The following TARS3 variants were observed in gnomAD, a reference collection of about 807,000 sequenced individuals.
The protein encoded by TARS3 is threonyl-tRNA synthetase 3.
In TARS3, 94 loss-of-function variants were observed where a neutral mutation model predicts 103.5. The ratio of observed to expected loss-of-function variants is 0.91; its 90% CI spans 0.77 to 1.08. The LOEUF is 1.08. Among genes scored for constraint, TARS3 ranks in the 50% least tolerant of loss-of-function variants. The pLI, the probability that TARS3 is intolerant of heterozygous loss-of-function variation, is 0.00. For missense variants in TARS3, 952 were observed against 995.2 expected (o/e 0.96, Z 0.58); for synonymous variants, 416 against 355.4 (o/e 1.17, Z -1.92).
intron 12 of TARS3, 97 bp downstream of exon 12, chr15:101,683,978 A>G (rs771910238): frequency 7.6e-5 from 96 of 1,261,482 alleles, no homozygotes; most frequent in Non-Finnish European, 9.3e-5. Context: ...ACTAGACCAA[A>G]CGTCTATGTT....
Position 101,702,327 on chromosome 15 carries a change from C to A in TARS3, c.1133G>T (p.Gly378Val), listed in dbSNP as rs1475218854. 1 of 1,613,558 alleles carries A rather than the reference C, an allele frequency of 6.2e-7. No homozygotes were observed. Among genetic ancestry groups the A allele is most frequent in the Non-Finnish European group, 8.5e-7 (1 of 1,179,636 alleles). ...PEMETLQRIY[G>V]ISFPDNKMMR... Reference sequence around the variant, plus strand: ...CATCTTGTTATCAGGAAAGGATATTCCATAGATCCTCTGCAATGTTTCCAT... The same window carrying A: ...CATCTTGTTATCAGGAAAGGATATTACATAGATCCTCTGCAATGTTTCCAT... The change falls in exon 9 of 19, where the codon GGA (glycine) becomes GTA (valine). Residue 378 changes from glycine (G) to valine (V), a missense_variant. By Grantham distance (109) the Gly-to-Val change is moderately radical. Coordinates refer to ENST00000335968, the MANE Select transcript of TARS3 (RefSeq NM_152334.3).
chr15:101,690,058 C>T (rs1567339185), intron 10 of TARS3, among the ~76,000 whole-genome samples: 1 of 152,196 alleles, frequency 6.6e-6, no homozygotes, highest in African/African-American at 2.4e-5. Context: ...AATGACATCA[C>T]CACATGATGA....
At chr15:101,710,196 G>T (rs1401674340) in intron 5 of TARS3, among the ~76,000 whole-genome samples, 1 of 152,056 alleles carries the variant, frequency 6.6e-6, no homozygotes, top group African/African-American at 2.4e-5. Flanking sequence ...AGGTGCTTGG[G>T]GCATGGCGCC....
At chr15:101,709,104 G>C (rs1349304365) in intron 5 of TARS3, among the ~76,000 whole-genome samples, 194 bp from the exon 6 acceptor site, 1 of 152,188 alleles carries the variant, frequency 6.6e-6, no homozygotes, top group Non-Finnish European at 1.5e-5. Context: ...CAGTTGCCAA[G>C]ACCTGCCTCA....
chr15:101,693,248 A>C (rs1381425588), intron 10 of TARS3, among the ~76,000 whole-genome samples: 1 of 152,228 alleles, frequency 6.6e-6, no homozygotes. Context: ...ATGGACTCAC[A>C]GTTCAGCATG....
intron 12 of TARS3, among the ~76,000 whole-genome samples, chr15:101,676,417 CAGAG>C (rs915847212): frequency 6.6e-6 from 1 of 152,118 alleles, no homozygotes; most frequent in Non-Finnish European, 1.5e-5. Context: ...TGGCTTAAAC[CAGAG>C]AGAGGCAGCT....
Position 101,661,737 on chromosome 15 carries a change from G to C in TARS3, c.2047C>G (p.Leu683Val), listed in dbSNP as rs1446363663. ...LGSVERMIAI[L>V]SENYGGKWPF... ...CATTTTCCGCCATAGTTTTCTGAAA[G>C]AATGGCTATCATTCTTTCCACTGAT... The change falls in exon 16 of 19, where the codon CTT becomes GTT. Residue 683 changes from leucine (L) to valine (V), a missense_variant. Physicochemically the swap from Leu to Val is conservative, Grantham distance 32. This residue lies in a region of TARS3 where 540 missense variants were observed against 631.0 expected (regional missense o/e 0.86). Coordinates refer to ENST00000335968, the MANE Select transcript of TARS3 (RefSeq NM_152334.3). The C allele has an allele frequency of 1.2e-6, 2 of 1,605,872 alleles. No homozygotes were observed. The highest frequency in any genetic ancestry group is 2.2e-5 in the East Asian group (1 of 44,566).
intron 4 of TARS3, 100 bp downstream of exon 4, chr15:101,714,740 A>G: frequency 8.6e-7 from 1 of 1,159,304 alleles, no homozygotes; most frequent in Non-Finnish European, 1.2e-6. Flanking sequence ...AGAAACCCCC[A>G]AAAAACTCAA....
Position 101,675,686 on chromosome 15 carries a change from T to C in TARS3, c.1702A>G (p.Thr568Ala). The C allele has an allele frequency of 6.2e-7, 1 of 1,614,096 alleles. No homozygotes were observed. ...TTTAATTGAAAGGAGAAGCCAAATGTTGAGTAAACAGATTGCAAAAACTGC... is the reference window on the plus strand; with the variant it reads ...TTTAATTGAAAGGAGAAGCCAAATGCTGAGTAAACAGATTGCAAAAACTGC... ...CLQFLQSVYS[T>A]FGFSFQLNLS... Residue 568 changes from threonine to alanine, a missense_variant, in exon 13 of 19, where the codon ACA (threonine) becomes GCA (alanine). Physicochemically the swap from Thr to Ala is moderately conservative, Grantham distance 58. Around this residue, in one of 2 missense-constraint regions of TARS3, gnomAD observed 540 missense variants for 631.0 expected, o/e 0.86. Coordinates refer to ENST00000335968, the MANE Select transcript of TARS3 (RefSeq NM_152334.3).
At position 101,723,099 on chromosome 15, in the gene TARS3, G is replaced by C; in HGVS notation, c.363C>G (p.Asp121Glu). 1 of 1,614,076 alleles carries C rather than the reference G, an allele frequency of 6.2e-7. No individual in the cohort carries two copies. Among genetic ancestry groups the C allele is most frequent in the South Asian group, 1.1e-5 (1 of 91,072 alleles). ...KKKKMKESEA[D>E]SEVKHQPIFI... is the part of the protein sequence containing the mutation. ...TTCCACAGCAACAACTTACCTCGCT[G>C]TCAGCCTCGCTTTCCTTCATTTTCT... The change falls in exon 2 of 19, where the codon GAC becomes GAG. Residue 121 changes from aspartate (D) to glutamate (E), a missense_variant. By Grantham distance (45) the Asp-to-Glu change is conservative (BLOSUM62 2). Coordinates refer to ENST00000335968, the MANE Select transcript of TARS3 (RefSeq NM_152334.3).
chr15:101,683,992 G>GT (rs2141405960), intron 12 of TARS3, 83 bp downstream of exon 12: 2 of 1,376,272 alleles, frequency 1.5e-6, no homozygotes, highest in Non-Finnish European at 1.9e-6. Context: ...CTATGTTTCA[G>GT]TAACTCTGAA....
intron 16 of TARS3, among the ~76,000 whole-genome samples, chr15:101,658,990 C>G (rs2141379245): frequency 6.6e-6 from 1 of 152,234 alleles, no homozygotes; most frequent in Middle Eastern, 3.4e-3. Context: ...CGGGGTTTCA[C>G]CATGTTGGCC....
chr15:101,656,920 A>C lies in TARS3; in HGVS notation c.2260+2T>G, dbSNP rs1259705282. 1.9e-6 allele frequency: 3 copies of C among 1,584,240 alleles called. No homozygotes were observed. Among genetic ancestry groups the C allele is most frequent in the Non-Finnish European group, 2.6e-6 (3 of 1,159,758 alleles). On this transcript the variant is annotated splice_donor_variant, in intron 18 of 18. Transcript: ENST00000335968. LOFTEE classifies it high-confidence loss of function. The stretch of plus-strand genomic sequence containing the variant: ...GGAAAAATATATACAAACTTAAATT[A>C]CCCAAAATAAAATTATACTGAGCCA...
At chr15:101,666,237 AC>A (rs974840735) in intron 15 of TARS3, among the ~76,000 whole-genome samples, 27 of 152,234 alleles carry the variant, frequency 1.8e-4, no homozygotes, top group African/African-American at 6.3e-4. Context: ...TAATCTCAGC[AC>A]TTTGGGAGGC....
intron 12 of TARS3, among the ~76,000 whole-genome samples, chr15:101,680,365 T>A (rs1046350633): frequency 6.6e-6 from 1 of 152,236 alleles, no homozygotes; most frequent in Non-Finnish European, 1.5e-5. Context: ...CAGACTTCTG[T>A]TGGCCTGTTT....
intron 15 of TARS3, among the ~76,000 whole-genome samples, chr15:101,668,989 T>TA (rs148735864): frequency 2.0e-5 from 3 of 149,924 alleles, no homozygotes; most frequent in South Asian, 2.1e-4. Context: ...TCACTTACTT[T>TA]AAAAAAAAAA....
At position 101,654,149 on chromosome 15, in the gene TARS3, TAA is replaced by T. The variant is rs1897112066; in HGVS notation, c.*431_*432del. On this transcript the variant is annotated 3_prime_UTR_variant, in exon 19 of 19. Coordinates refer to ENST00000335968, the MANE Select transcript of TARS3 (RefSeq NM_152334.3). ...TAAGTAATGATTCCAGTTTAGAAGATAAAGTTTCAGTGTGAATTTTAGTAGAA... is the reference window on the plus strand; with the variant it reads ...TAAGTAATGATTCCAGTTTAGAAGATAGTTTCAGTGTGAATTTTAGTAGAA... 1 of 155,970 alleles carries T rather than the reference TAA, an allele frequency of 6.4e-6. No individual in the cohort carries two copies. The highest frequency in any genetic ancestry group is 2.4e-5 in the African/African-American group (1 of 41,520). The allele number at this position is 155,970 out of a possible 1,614,324, so 9.7% of individuals were successfully genotyped here.
At position 101,724,286 on chromosome 15, in the gene TARS3, G is replaced by GT. The variant is rs1567365434; in HGVS notation, c.101dup (p.Asp34GlufsTer70). ...AGCTGTAGGGCGCGTTCAGCTGCTC[G>GT]TCCCTCAGGCGCTCGACCTCCGACC... On this transcript the variant is annotated frameshift_variant, in exon 1 of 19. Coordinates refer to ENST00000335968, the MANE Select transcript of TARS3 (RefSeq NM_152334.3). LOFTEE classifies it high-confidence loss of function. 6.4e-7 allele frequency: 1 copy of GT among 1,573,040 alleles called. No homozygotes were observed. Among genetic ancestry groups the GT allele is most frequent in the Non-Finnish European group, 8.6e-7 (1 of 1,166,074 alleles).
In TARS3 at chr15:101,672,785, C is replaced by T. The variant is rs56122006; in HGVS notation, c.1789-1037G>A. 5.0e-3 allele frequency among the ~76,000 whole-genome samples: 754 copies of T among 152,270 alleles called. 8 individuals carry two copies. Among genetic ancestry groups the T allele is most frequent in the African/African-American group, 0.017 (701 of 41,544 alleles). On this transcript the variant is annotated intron_variant, in intron 13 of 18. Coordinates refer to ENST00000335968, the MANE Select transcript of TARS3 (RefSeq NM_152334.3). ...GAAAGCCACCCCACGGAGACACTTC[C>T]GGGGCCTGGAGGCTGCGCTCCCCTG...
Sources: allele counts gnomAD v4.1 joint callset (sites outside exome capture counted in the v4.1 genomes callset), GRCh38; gene constraint gnomAD v4.1.1; regional missense constraint gnomAD v4.1.1; transcripts MANE v1.5; gene names NCBI Gene and HGNC (gene_info 2026-07-23, HGNC 2026-07-21).